SLC8B1: variants seen among roughly 807,000 people sequenced by gnomAD.
SLC8B1 encodes mitochondrial sodium/calcium exchanger protein.
Under a neutral mutation model 63.4 loss-of-function variants are expected in SLC8B1, and 52 were observed. The ratio of observed to expected loss-of-function variants is 0.82; its 90% CI spans 0.66 to 1.03. SLC8B1 has a LOEUF of 1.03. Among genes scored for constraint, SLC8B1 ranks in the 50% least tolerant of loss-of-function variants. The pLI, the probability that SLC8B1 is intolerant of heterozygous loss-of-function variation, is 0.00. For synonymous variants in SLC8B1, 336 were observed against 323.9 expected (o/e 1.04, Z -0.40); for missense variants, 657 against 741.7 (o/e 0.89, Z 1.33).
chr12:113,303,435 T>G lies in SLC8B1; in HGVS notation c.1557+886A>C, dbSNP rs542504546. ...CTCTGGGAGAAACGGGTGACTTTAT[T>G]CAGCTTCATAACACTCAAAGAGCTT... On this transcript the variant is annotated intron_variant, in intron 15 of 15. Transcript: ENST00000680972. Among the ~76,000 whole-genome samples, 5 of 152,184 alleles carry G rather than the reference T, an allele frequency of 3.3e-5. No homozygotes were observed. The East Asian group carries it at 9.7e-4, about 29-fold the overall frequency.
intron 15 of SLC8B1, among the ~76,000 whole-genome samples, chr12:113,303,974 G>C (rs1169261691): frequency 6.6e-6 from 1 of 152,138 alleles, no homozygotes; most frequent in Non-Finnish European, 1.5e-5. Context: ...TCCACCTCTT[G>C]GGTTCAAGTG....
At chr12:113,321,401 A>G (rs2136856291) in intron 2 of SLC8B1, 53 bp from the exon 3 acceptor site, 1 of 1,611,806 alleles carries the variant, frequency 6.2e-7, no homozygotes, top group Non-Finnish European at 8.5e-7. Context: ...CCTGAGAACT[A>G]GACTAGGCCC....
chr12:113,321,500 T>C (rs1956929419), intron 2 of SLC8B1, 152 bp from the exon 3 acceptor site: 1 of 916,592 alleles, frequency 1.1e-6, no homozygotes, highest in Non-Finnish European at 1.6e-6. Flanking sequence ...ACTTTTAATT[T>C]TAAAAATAAA....
At chr12:113,301,787 G>A (rs981147775) in intron 15 of SLC8B1, among the ~76,000 whole-genome samples, 1 of 152,212 alleles carries the variant, frequency 6.6e-6, no homozygotes, top group Non-Finnish European at 1.5e-5. Flanking sequence ...CCATTTTACA[G>A]ATGAGGAAAC....
At chr12:113,312,515 C>T (rs773803279) in intron 11 of SLC8B1, among the ~76,000 whole-genome samples, 10 of 151,982 alleles carry the variant, frequency 6.6e-5, no homozygotes, top group Admixed American at 2.0e-4. Flanking sequence ...TCTTGGGGGA[C>T]GCCTAGAGAT....
Position 113,305,428 on chromosome 12 carries a change from T to A in SLC8B1, c.1493-1043A>T, listed in dbSNP as rs531292649. On this transcript the variant is annotated intron_variant, in intron 14 of 15. Transcript: ENST00000680972. The surrounding 1 kb of genome is among the most constrained non-coding windows in gnomAD (Gnocchi z 4.3). ...CTGGAGAGAGCGGCCCTTCAGGCAC[T>A]TTGTGATCATCTTTCTTTCTTTAGC... 2.2e-4 allele frequency among the ~76,000 whole-genome samples: 34 copies of A among 152,366 alleles called. No individual in the cohort carries two copies. Among genetic ancestry groups the A allele is most frequent in the Admixed American group, 6.5e-4 (10 of 15,308 alleles).
At chr12:113,329,456 G>A (rs1050375624) in intron 2 of SLC8B1, among the ~76,000 whole-genome samples, 5 of 152,128 alleles carry the variant, frequency 3.3e-5, no homozygotes, top group African/African-American at 7.2e-5. Flanking sequence ...CCATCTCCCT[G>A]ATGGCAGAGT....
rs899373013 is a variant in SLC8B1 at position 113,310,315 on chromosome 12, G to A, written c.1176C>T (p.Val392=). The A allele has an allele frequency of 1.1e-5, 18 of 1,613,940 alleles. No individual in the cohort carries two copies. Among genetic ancestry groups the A allele is most frequent in the East Asian group, 4.5e-5 (2 of 44,882 alleles). Residue 392 remains valine (V), a synonymous_variant, in exon 12 of 16, where the codon GTC becomes GTT. Coordinates refer to ENST00000680972, the MANE Select transcript of SLC8B1 (RefSeq NM_001358345.2). ...AGGCTGTGCCTGCGATCACCACCAC[G>A]ACCCAGACGGGAACGAGGCCGCCTA... ...YEIGGLVPVW[V]VVVIAGTALA...
intron 12 of SLC8B1, 56 bp from the exon 13 acceptor site, chr12:113,307,900 C>T: frequency 1.3e-6 from 2 of 1,584,364 alleles, no homozygotes; most frequent in Non-Finnish European, 8.6e-7. Flanking sequence ...GGAACACAGC[C>T]TCAGTTCCTC....
At chr12:113,319,984 A>G (rs1211595844) in intron 7 of SLC8B1, 8 of 225,186 alleles carry the variant, frequency 3.6e-5, no homozygotes, top group Non-Finnish European at 6.2e-5. Context: ...GTAGAGATGT[A>G]GTCTCGCTAT....
intron 14 of SLC8B1, 104 bp downstream of exon 14, chr12:113,306,391 C>G (rs1028480027): frequency 7.5e-5 from 72 of 956,730 alleles, no homozygotes; most frequent in Non-Finnish European, 1.0e-4. Flanking sequence ...ATTACCTGCC[C>G]CAGGTGTTAC....
chr12:113,319,365 G>C, intron 7 of SLC8B1: 1 of 312,570 alleles, frequency 3.2e-6, no homozygotes, highest in South Asian at 3.0e-5. Context: ...TGCCCTGGGA[G>C]GAGGCAGCCC....
intron 15 of SLC8B1, chr12:113,302,797 G>A: frequency 2.2e-6 from 1 of 452,460 alleles, no homozygotes; most frequent in Non-Finnish European, 4.5e-6. Context: ...CCCATGGGAT[G>A]CCATATTACA....
chr12:113,332,896 G>C lies in SLC8B1; in HGVS notation c.-18C>G. 7.4e-6 allele frequency: 12 copies of C among 1,612,400 alleles called. No homozygotes were observed. Among genetic ancestry groups the C allele is most frequent in the Non-Finnish European group, 1.0e-5 (12 of 1,179,494 alleles). ...CCGGCCATCTGCCCCCACGGGGCCT[G>C]GCCCTTACTCTCCACTTCCCTTTCT... is the stretch of plus-strand genomic sequence containing the variant. On this transcript the variant is annotated 5_prime_UTR_variant, in exon 2 of 16. Coordinates refer to ENST00000680972, the MANE Select transcript of SLC8B1 (RefSeq NM_001358345.2).
intron 15 of SLC8B1, 82 bp from the exon 16 acceptor site, chr12:113,300,056 C>G (rs1339390114): frequency 1.6e-6 from 2 of 1,269,286 alleles, no homozygotes; most frequent in African/African-American, 3.0e-5. Context: ...AACAATGCAG[C>G]CTCAACAACA....
Position 113,320,407 on chromosome 12 carries a change from G to C in SLC8B1, c.618C>G (p.Ile206Met). The C allele has an allele frequency of 6.2e-7, 1 of 1,614,142 alleles. No homozygotes were observed. Among genetic ancestry groups the C allele is most frequent in the Non-Finnish European group, 8.5e-7 (1 of 1,180,028 alleles). ...MAASRPFFRD[I>M]VFYMVAVFLT... Reference sequence around the variant, plus strand: ...GGAACACAGCCACCATGTAGAAAACGATGTCCCTGAAGAAGGGCCTGGAGG... The same window carrying C: ...GGAACACAGCCACCATGTAGAAAACCATGTCCCTGAAGAAGGGCCTGGAGG... The change falls in exon 7 of 16, where the codon ATC becomes ATG. Residue 206 changes from isoleucine to methionine, a missense_variant. Physicochemically the swap from Ile to Met is conservative, Grantham distance 10. Transcript: ENST00000680972. The surrounding 1 kb of genome is among the most constrained non-coding windows in gnomAD (Gnocchi z 5.3).
chr12:113,307,882 C>T, intron 12 of SLC8B1, 38 bp from the exon 13 acceptor site: 6 of 1,600,140 alleles, frequency 3.7e-6, no homozygotes, highest in African/African-American at 1.3e-5. Flanking sequence ...CCAAGGCCAG[C>T]CCCAACAGGA....
At chr12:113,333,991 G>A (rs1199408978) in intron 1 of SLC8B1, among the ~76,000 whole-genome samples, 1 of 152,198 alleles carries the variant, frequency 6.6e-6, no homozygotes, top group East Asian at 1.9e-4. Context: ...CTACAGGCGT[G>A]AGCCACCACA....
intron 11 of SLC8B1, among the ~76,000 whole-genome samples, chr12:113,313,644 G>A (rs1956793087): frequency 6.6e-6 from 1 of 152,174 alleles, no homozygotes; most frequent in South Asian, 2.1e-4. Context: ...AGAAGGCTGA[G>A]GCAGGAGAAT....
Sources: gnomAD v4.1 joint callset for allele counts (sites outside exome capture counted in the v4.1 genomes callset) on GRCh38, gnomAD v4.1.1 for gene constraint, Gnocchi (gnomAD v3.1) non-coding constraint, MANE v1.5 for transcripts, NCBI Gene and HGNC (gene_info 2026-07-23, HGNC 2026-07-21) for gene names.